RSBN1L: variants seen among roughly 807,000 people sequenced by gnomAD.
RSBN1L encodes lysine-specific demethylase RSBN1L.
RSBN1L carries 30 observed loss-of-function variants against 67.7 expected under a neutral mutation model. That is an observed-to-expected ratio of 0.44 (90% CI 0.33 to 0.60). RSBN1L has a LOEUF of 0.60. Ranked by LOEUF, RSBN1L falls within the 20% of genes least tolerant of loss-of-function variation. The pLI, the probability that RSBN1L is intolerant of heterozygous loss-of-function variation, is 0.02. For missense variants in RSBN1L, 992 were observed against 1,031.7 expected, an observed-to-expected ratio of 0.96 and a Z score of 0.53; for synonymous variants, 433 against 387.0, an observed-to-expected ratio of 1.12 and a Z score of -1.39.
At chr7:77,754,448 G>A (rs1277812552) in intron 3 of RSBN1L, among the ~76,000 whole-genome samples, 1 of 151,990 alleles carries the variant, frequency 6.6e-6, no homozygotes, top group Admixed American at 6.6e-5. Context: ...TTTATTTTCT[G>A]TCAGTAATAT....
intron 1 of RSBN1L, among the ~76,000 whole-genome samples, chr7:77,715,495 A>G (rs1791035648): frequency 6.6e-6 from 1 of 151,868 alleles, no homozygotes; most frequent in East Asian, 1.9e-4. Context: ...TTTAGTCAAG[A>G]TGGGGGGCTC....
intron 6 of RSBN1L, among the ~76,000 whole-genome samples, chr7:77,777,769 C>A (rs1281013991): frequency 6.6e-6 from 1 of 151,742 alleles, no homozygotes; most frequent in African/African-American, 2.4e-5. Context: ...TTTATATATT[C>A]CTAATTAATT....
At chr7:77,731,715 C>T (rs2150419515) in intron 1 of RSBN1L, among the ~76,000 whole-genome samples, 1 of 152,100 alleles carries the variant, frequency 6.6e-6, no homozygotes, top group Non-Finnish European at 1.5e-5. Context: ...TGAAATCCAG[C>T]TTTATCAGTT....
intron 1 of RSBN1L, among the ~76,000 whole-genome samples, chr7:77,714,832 A>G (rs376941227): frequency 8.0e-4 from 121 of 152,002 alleles, no homozygotes; most frequent in Middle Eastern, 3.4e-3. Context: ...GCATGGTGGC[A>G]GGCGCCTGTA....
intron 3 of RSBN1L, among the ~76,000 whole-genome samples, chr7:77,756,154 C>G (rs112986492): frequency 0.054 from 8,139 of 151,472 alleles, 288 homozygotes; most frequent in South Asian, 0.16. Context: ...TTTTTTGAGA[C>G]AGAGTCTAGC....
chr7:77,743,266 C>T (rs968462200), intron 2 of RSBN1L, among the ~76,000 whole-genome samples: 2 of 152,030 alleles, frequency 1.3e-5, no homozygotes, highest in Non-Finnish European at 2.9e-5. Context: ...GTTTCCCAGG[C>T]TGCTCTGCTG....
At chr7:77,756,704 G>A (rs1791623238) in intron 3 of RSBN1L, among the ~76,000 whole-genome samples, 1 of 152,166 alleles carries the variant, frequency 6.6e-6, no homozygotes, top group African/African-American at 2.4e-5. Flanking sequence ...CTTGAATCCA[G>A]GAGGCGGAGG....
chr7:77,715,502 G>C (rs553877327), intron 1 of RSBN1L, among the ~76,000 whole-genome samples: 29 of 152,008 alleles, frequency 1.9e-4, no homozygotes, highest in African/African-American at 6.3e-4. Context: ...AAGATGGGGG[G>C]CTCACCATGT....
At chr7:77,757,845 G>C (rs1791640088) in intron 3 of RSBN1L, among the ~76,000 whole-genome samples, 1 of 152,196 alleles carries the variant, frequency 6.6e-6, no homozygotes, top group African/African-American at 2.4e-5. Flanking sequence ...GTAAGCCCCA[G>C]TGTACAAGCT....
chr7:77,703,438 C>CGTGGA (rs1238868853), intron 1 of RSBN1L, among the ~76,000 whole-genome samples: 1 of 140,664 alleles, frequency 7.1e-6, no homozygotes, highest in Non-Finnish European at 1.5e-5. Context: ...TTATGTCAGA[C>CGTGGA]GTGGAGTGTG....
intron 1 of RSBN1L, among the ~76,000 whole-genome samples, chr7:77,735,997 T>C (rs1157916271): frequency 6.6e-6 from 1 of 152,108 alleles, no homozygotes; most frequent in Non-Finnish European, 1.5e-5. Flanking sequence ...GAGGAAGGTA[T>C]CAATTACCAT....
intron 2 of RSBN1L, among the ~76,000 whole-genome samples, chr7:77,738,871 G>A (rs533609456): frequency 3.9e-5 from 6 of 151,948 alleles, no homozygotes; most frequent in Non-Finnish European, 5.9e-5. Flanking sequence ...CCCAGGAGGC[G>A]GAGGTTGCGG....
At position 77,765,623 on chromosome 7, in the gene RSBN1L, A is replaced by G. The variant is rs372018344; in HGVS notation, c.1473A>G (p.Pro491=). 34 of 1,593,544 alleles carry G rather than the reference A, an allele frequency of 2.1e-5. No individual in the cohort carries two copies. Among genetic ancestry groups the G allele is most frequent in the African/African-American group, 2.7e-5 (2 of 74,214 alleles). Residue 491 remains proline (P), a synonymous_variant, in exon 4 of 8, where the codon CCA becomes CCG. Coordinates refer to ENST00000334955, the MANE Select transcript of RSBN1L (RefSeq NM_198467.3). Reference sequence around the variant, plus strand: ...TCCTTGACATGTTGGAAGAGTCACCATTTTTAAAAGTAAGAGACAATCTGT... The same window carrying G: ...TCCTTGACATGTTGGAAGAGTCACCGTTTTTAAAAGTAAGAGACAATCTGT... ...PEFLDMLEES[P]FLKCTLPWGT...
chr7:77,773,009 T>A, intron 5 of RSBN1L, 138 bp from the exon 6 acceptor site: 1 of 512,586 alleles, frequency 2.0e-6, no homozygotes, highest in South Asian at 3.4e-5. Context: ...TGTTTTTGTT[T>A]GTTCGTGTTC....
At chr7:77,703,109 T>C (rs566889983) in intron 1 of RSBN1L, among the ~76,000 whole-genome samples, 1 of 152,174 alleles carries the variant, frequency 6.6e-6, no homozygotes, top group African/African-American at 2.4e-5. Flanking sequence ...GTCATTCATT[T>C]CATAAGTTTT....
rs1394071423 is a variant in RSBN1L, at chr7:77,749,830, C to A, written c.1110C>A (p.Ser370=). Residue 370 remains serine (S), a synonymous_variant, in exon 3 of 8, where the codon TCC becomes TCA. Coordinates refer to ENST00000334955, the MANE Select transcript of RSBN1L (RefSeq NM_198467.3). ...TCCATGCCTACAGTAACGAACTCTC[C>A]CACCTGTCTCCTATGGAGATGGAGA... ...SVIHAYSNEL[S]HLSPMEMERF... 2 of 1,614,060 alleles carry A rather than the reference C, an allele frequency of 1.2e-6. No homozygotes were observed. Among genetic ancestry groups the A allele is most frequent in the East Asian group, 4.5e-5 (2 of 44,896 alleles).
At chr7:77,753,876 T>C (rs930534700) in intron 3 of RSBN1L, among the ~76,000 whole-genome samples, 21 of 152,234 alleles carry the variant, frequency 1.4e-4, no homozygotes, top group African/African-American at 4.6e-4. Context: ...CATATAAATA[T>C]ATCCAAAAGA....
intron 3 of RSBN1L, among the ~76,000 whole-genome samples, chr7:77,763,639 G>T (rs2150430791): frequency 6.6e-6 from 1 of 152,288 alleles, no homozygotes; most frequent in African/African-American, 2.4e-5. Context: ...TTAGGCGACA[G>T]GAAAAAGATG....
At chr7:77,744,038 T>C (rs542680840) in intron 2 of RSBN1L, among the ~76,000 whole-genome samples, 1 of 152,020 alleles carries the variant, frequency 6.6e-6, no homozygotes, top group Admixed American at 6.6e-5. Flanking sequence ...TTTTACTTTT[T>C]ACATTTATTT....
Sources: gnomAD v4.1 joint callset for allele counts (sites outside exome capture counted in the v4.1 genomes callset) on GRCh38, gnomAD v4.1.1 for gene constraint, MANE v1.5 for transcripts, NCBI Gene and HGNC (gene_info 2026-07-23, HGNC 2026-07-21) for gene names.